The following SPPL2B variants were observed in gnomAD, a reference collection of about 807,000 sequenced individuals.
SPPL2B encodes the protein signal peptide peptidase-like 2B.
SPPL2B carries 39 observed loss-of-function variants against 59.7 expected under a neutral mutation model. That is an observed-to-expected ratio of 0.65 (90% confidence interval 0.51 to 0.85). SPPL2B has a LOEUF of 0.85. Among genes scored for constraint, SPPL2B ranks in the 40% least tolerant of loss-of-function variants. The pLI is 0.00. For missense variants in SPPL2B, 865 were observed against 849.0 expected (o/e 1.02, Z -0.23); for synonymous variants, 419 against 370.8 (o/e 1.13, Z -1.49).
chr19:2,340,263 A>G, intron 7 of SPPL2B, 91 bp downstream of exon 7: 1 of 1,046,892 alleles, frequency 9.6e-7, no homozygotes, highest in East Asian at 2.6e-5. Context: ...ATGGTGCAAT[A>G]TTGCTCAGAG....
At chr19:2,340,306 G>C in intron 7 of SPPL2B, 134 bp downstream of exon 7, 1 of 735,386 alleles carries the variant, frequency 1.4e-6, no homozygotes. Context: ...TGCTGGCCTG[G>C]GGCTCCTAGG....
In SPPL2B at chr19:2,339,740, C is replaced by T. The variant is rs867063413; in HGVS notation, c.600-84C>T. The T allele has an allele frequency of 1.2e-4, 182 of 1,512,606 alleles. No individual in the cohort carries two copies. The Middle Eastern group carries it at 3.5e-3, about 29-fold the overall frequency. The allele number at this position is 1,512,606 out of a possible 1,614,324, so 93.7% of individuals were successfully genotyped here. On this transcript the variant is annotated intron_variant, in intron 5 of 14. Transcript: ENST00000613503. ...CCTCCTGCTCCCGGGTTTTCTGCCC[C>T]GTTCCCCCGGGTGGCTGTGGGCTCC...
rs988302645 is a variant in SPPL2B, at chr19:2,335,175, C to T, written c.186+454C>T. Among the ~76,000 whole-genome samples, 7 of 151,980 alleles carry T rather than the reference C, an allele frequency of 4.6e-5. 1 individual carries two copies. Among genetic ancestry groups the T allele is most frequent in the African/African-American group, 1.2e-4 (5 of 41,352 alleles). On this transcript the variant is annotated intron_variant, in intron 2 of 14. Transcript: ENST00000613503. ...CCTTTCCCACTTAGTCCTCATGCCC[C>T]GCCTCCTTTCCCACCGCATCCCTCA...
rs1394297625 is a variant in SPPL2B, at chr19:2,335,696, G to T, written c.186+975G>T. Among the ~76,000 whole-genome samples, 6 of 148,022 alleles carry T rather than the reference G, an allele frequency of 4.1e-5. No individual in the cohort carries two copies. The East Asian group carries it at 1.2e-3, about 30-fold the overall frequency. ...GCCTCCTTTCCCACCGTATCCCTCA[G>T]GCCCTCTCTCCTTTCCCACCGCATC... On this transcript the variant is annotated intron_variant, in intron 2 of 14. Coordinates refer to ENST00000613503, the MANE Select transcript of SPPL2B (RefSeq NM_152988.3).
chr19:2,338,873 C>T (rs749780366), intron 4 of SPPL2B, 32 bp downstream of exon 4: 702 of 1,600,224 alleles, frequency 4.4e-4, no homozygotes, highest in Non-Finnish European at 2.8e-4. Flanking sequence ...CCCACGCTCC[C>T]GAGGAGATGG....
At chr19:2,336,997 G>GTGT (rs1568432810) in intron 2 of SPPL2B, 1 of 158,456 alleles carries the variant, frequency 6.3e-6, no homozygotes, top group African/African-American at 2.5e-5. Flanking sequence ...CCTGGCTGTG[G>GTGT]GTGTGTGTGT....
Position 2,345,262 on chromosome 19 carries a change from T to A in SPPL2B, c.1286T>A (p.Val429Glu). ...FGDILVPGLL[V>E]AYCHRFDIQV... is the part of the protein sequence containing the mutation. Reference sequence around the variant, plus strand: ...CCTGTGCCTCCCCCAGGGCTGCTGGTGGCCTACTGCCACAGGTTTGACATC... The same window carrying A: ...CCTGTGCCTCCCCCAGGGCTGCTGGAGGCCTACTGCCACAGGTTTGACATC... Residue 429 changes from valine (V) to glutamate (E), a missense_variant, in exon 13 of 15, where the codon GTG becomes GAG. Physicochemically the swap from Val to Glu is moderately radical, Grantham distance 121. Transcript: ENST00000613503. 1 of 1,612,230 alleles carries A rather than the reference T, an allele frequency of 6.2e-7. No individual in the cohort carries two copies. Among genetic ancestry groups the A allele is most frequent in the Non-Finnish European group, 8.5e-7 (1 of 1,179,360 alleles).
At position 2,332,730 on chromosome 19, in the gene SPPL2B, C is replaced by A. The variant is rs772613271; in HGVS notation, c.67-1872C>A. 3.9e-5 allele frequency among the ~76,000 whole-genome samples: 6 copies of A among 152,138 alleles called. No homozygotes were observed. The highest frequency in any genetic ancestry group is 7.4e-5 in the Non-Finnish European group (5 of 68,020). Reference sequence around the variant, plus strand: ...CCTTGGTCCCTGGCACGTGGTTTTTCTTCTGGGACCCCTCCTCCCTGTGCA... The same window carrying A: ...CCTTGGTCCCTGGCACGTGGTTTTTATTCTGGGACCCCTCCTCCCTGTGCA... On this transcript the variant is annotated intron_variant, in intron 1 of 14. Transcript: ENST00000613503. This position sits in a 1 kb window ranked among gnomAD's most constrained non-coding sequence, Gnocchi z 4.6.
chr19:2,334,515 C>T (rs1968449544), intron 1 of SPPL2B, 87 bp from the exon 2 acceptor site: 2 of 1,496,450 alleles, frequency 1.3e-6, no homozygotes, highest in Non-Finnish European at 8.9e-7. Context: ...CTGGAGGCGT[C>T]CTCCCCTCCT....
In SPPL2B at chr19:2,353,465, C is replaced by CGCAGGAGG. The variant is rs773436213; in HGVS notation, c.*256_*257insGCAGGAGG. Reference sequence around the variant, plus strand: ...AAGCTCTCTGCGGGTCCATCCTCCCCACCGGGGTCCGTCCTCGCAGGCCCT... The same window carrying CGCAGGAGG: ...AAGCTCTCTGCGGGTCCATCCTCCCCGCAGGAGGACCGGGGTCCGTCCTCGCAGGCCCT... On this transcript the variant is annotated 3_prime_UTR_variant, in exon 15 of 15. Transcript: ENST00000613503. 0.55 allele frequency: 287,149 copies of CGCAGGAGG among 524,990 alleles called. 83,737 individuals carry two copies. The highest frequency in any genetic ancestry group is 0.61 in the Middle Eastern group (1,222 of 2,000). The allele number at this position is 524,990 out of a possible 1,614,324, so 32.5% of individuals were successfully genotyped here. A position where few individuals can be genotyped will look rare whatever the true frequency, so the allele number is the denominator to read the frequency against.
chr19:2,328,853 C>T, intron 1 of SPPL2B, 78 bp downstream of exon 1: 4 of 1,223,488 alleles, frequency 3.3e-6, no homozygotes, highest in Non-Finnish European at 4.2e-6. Flanking sequence ...CGCGCAGGAA[C>T]GACCCCGCTC....
At chr19:2,329,116 C>A (rs914325123) in intron 1 of SPPL2B, among the ~76,000 whole-genome samples, 4 of 152,258 alleles carry the variant, frequency 2.6e-5, no homozygotes, top group Admixed American at 1.3e-4. Flanking sequence ...GGCTCTGTGG[C>A]CTTGAGCAGG....
chr19:2,338,985 C>G, intron 4 of SPPL2B, 84 bp from the exon 5 acceptor site: 2 of 1,509,524 alleles, frequency 1.3e-6, no homozygotes, highest in Non-Finnish European at 1.8e-6. Flanking sequence ...GTCTCCAGCC[C>G]CAGCCCCACA....
chr19:2,341,185 C>T (rs868383259), intron 8 of SPPL2B, 171 bp downstream of exon 8: 16 of 696,228 alleles, frequency 2.3e-5, no homozygotes, highest in East Asian at 1.9e-4. Context: ...GCTGCGAGGG[C>T]GTTTCACCTG....
At position 2,353,561 on chromosome 19, in the gene SPPL2B, G is replaced by A. The variant is rs746705278; in HGVS notation, c.*352G>A. On this transcript the variant is annotated 3_prime_UTR_variant, in exon 15 of 15. Transcript: ENST00000613503. ...CAGGCGTGGGTGGACTCTGGCCGCG[G>A]CCACACTTGGTGCTCACCAGCTGCT... The A allele has an allele frequency of 3.8e-6, 1 of 266,462 alleles. No individual in the cohort carries two copies. Among genetic ancestry groups the A allele is most frequent in the Non-Finnish European group, 7.2e-6 (1 of 139,502 alleles). The allele number at this position is 266,462 out of a possible 1,614,324, so 16.5% of individuals were successfully genotyped here. A position where few individuals can be genotyped will look rare whatever the true frequency, so the allele number is the denominator to read the frequency against.
rs370421065 is a variant in SPPL2B, at chr19:2,341,308, C to T, written c.956+294C>T. 31 of 597,606 alleles carry T rather than the reference C, an allele frequency of 5.2e-5. 1 individual carries two copies. Among genetic ancestry groups the T allele is most frequent in the South Asian group, 2.6e-4 (17 of 65,846 alleles). 37.0% of individuals were successfully genotyped at this position (597,606 alleles called of 1,614,324 possible). A position where few individuals can be genotyped will look rare whatever the true frequency, so the allele number is the denominator to read the frequency against. On this transcript the variant is annotated intron_variant, in intron 8 of 14. Coordinates refer to ENST00000613503, the MANE Select transcript of SPPL2B (RefSeq NM_152988.3). ...TGGATGGGACTCCTTTGTGGGGCAT[C>T]GCTGCCCAGGGCCACAGTCTGTCCC...
At chr19:2,330,955 A>C (rs1266941808) in intron 1 of SPPL2B, among the ~76,000 whole-genome samples, 2 of 152,236 alleles carry the variant, frequency 1.3e-5, no homozygotes, top group Non-Finnish European at 2.9e-5. Context: ...GGAGGGGGGC[A>C]GTGCTTCGCG....
intron 2 of SPPL2B, 31 bp from the exon 3 acceptor site, chr19:2,337,412 G>C: frequency 1.3e-6 from 2 of 1,555,494 alleles, no homozygotes. Flanking sequence ...CTCACATCAC[G>C]TGAGACAACA....
At chr19:2,348,954 C>T (rs1410778038) in intron 13 of SPPL2B, among the ~76,000 whole-genome samples, 31 of 150,664 alleles carry the variant, frequency 2.1e-4, no homozygotes, top group Non-Finnish European at 2.8e-4. Context: ...CACACTCACG[C>T]GCTGTCATTC....
Sources: gnomAD v4.1 joint callset for allele counts (sites outside exome capture counted in the v4.1 genomes callset) on GRCh38, gnomAD v4.1.1 for gene constraint, Gnocchi (gnomAD v3.1) non-coding constraint, MANE v1.5 for transcripts, NCBI Gene and HGNC (gene_info 2026-07-23, HGNC 2026-07-21) for gene names.